The following MDGA2 variants were observed in gnomAD, a reference collection of about 807,000 sequenced individuals.
MDGA2 encodes the protein MAM domain containing glycosylphosphatidylinositol anchor 2.
Under a neutral mutation model 117.8 loss-of-function variants are expected in MDGA2, and 40 were observed. The observed-to-expected ratio is 0.34, with a 90% confidence interval of 0.26 to 0.44. The LOEUF (loss-of-function observed/expected upper bound fraction) is 0.44. Among genes scored for constraint, MDGA2 ranks in the 20% least tolerant of loss-of-function variants. The pLI is 1.00. For synonymous variants in MDGA2, 452 were observed against 439.0 expected (o/e 1.03, Z -0.37); for missense variants, 1,123 against 1,250.6 (o/e 0.90, Z 1.54).
At chr14:46,916,327 C>T (rs1226228750) in intron 10 of MDGA2, among the ~76,000 whole-genome samples, 2 of 152,002 alleles carry the variant, frequency 1.3e-5, no homozygotes, top group Admixed American at 1.3e-4. Context: ...GACCTGAGTT[C>T]GAGCCTTGGC....
intron 3 of MDGA2, among the ~76,000 whole-genome samples, chr14:47,161,431 A>G (rs1883628168): frequency 6.6e-6 from 1 of 152,032 alleles, no homozygotes; most frequent in Non-Finnish European, 1.5e-5. Flanking sequence ...TTTAACAATC[A>G]CCATTTTATT....
intron 10 of MDGA2, among the ~76,000 whole-genome samples, chr14:46,891,139 A>G (rs1034646235): frequency 3.3e-5 from 5 of 151,974 alleles, no homozygotes; most frequent in Non-Finnish European, 7.4e-5. Context: ...TATTAAAGGG[A>G]TATGTGAGAA....
intron 3 of MDGA2, among the ~76,000 whole-genome samples, chr14:47,150,960 C>T (rs1594671713): frequency 6.6e-6 from 1 of 151,310 alleles, no homozygotes; most frequent in East Asian, 1.9e-4. Context: ...TCAGTAGCTA[C>T]CTGCCAACAG....
chr14:47,059,326 A>AGG, intron 7 of MDGA2: 1 of 1,274,770 alleles, frequency 7.8e-7, no homozygotes, highest in African/African-American at 1.5e-5. Flanking sequence ...GGTACTTTCC[A>AGG]GGGGTAGTGT....
At chr14:47,541,477 A>C (rs1895351584) in intron 1 of MDGA2, among the ~76,000 whole-genome samples, 1 of 152,180 alleles carries the variant, frequency 6.6e-6, no homozygotes, top group Admixed American at 6.5e-5. Context: ...ACTGATGCTC[A>C]AACTCTTAAT....
At chr14:47,438,697 G>C (rs1296853236) in intron 1 of MDGA2, among the ~76,000 whole-genome samples, 4 of 152,124 alleles carry the variant, frequency 2.6e-5, no homozygotes, top group African/African-American at 9.7e-5. Flanking sequence ...AGAAGAACCA[G>C]ACCAATTGGT....
intron 10 of MDGA2, among the ~76,000 whole-genome samples, chr14:46,892,967 A>G (rs138738522): frequency 1.1e-4 from 17 of 152,060 alleles, no homozygotes; most frequent in African/African-American, 3.6e-4. Flanking sequence ...AAAGTTAAAC[A>G]TCGAACTACC....
chr14:47,301,303 AC>A, intron 2 of MDGA2, 107 bp downstream of exon 2: 2 of 813,506 alleles, frequency 2.5e-6, no homozygotes, highest in Admixed American at 2.7e-5. Flanking sequence ...ACCCACACAC[AC>A]ACACACACAC....
At chr14:47,511,400 CACAT>C (rs1319328803) in intron 1 of MDGA2, among the ~76,000 whole-genome samples, 2 of 152,060 alleles carry the variant, frequency 1.3e-5, no homozygotes, top group African/African-American at 2.4e-5. Flanking sequence ...AAACAGCTAA[CACAT>C]AAGAGGTTCT....
chr14:47,312,566 C>T (rs1005219178), intron 1 of MDGA2, among the ~76,000 whole-genome samples: 1 of 151,870 alleles, frequency 6.6e-6, no homozygotes, highest in African/African-American at 2.4e-5. Context: ...GCAGTGGCAC[C>T]ATCACAAATC....
rs68070912 is a variant in MDGA2, at chr14:47,308,502, G to GT, written c.281-6953dup. On this transcript the variant is annotated intron_variant, in intron 1 of 16. Transcript: ENST00000399232. ...TTCTTTTTTCCCTCTCTTTCTGTTA[G>GT]TTTTTTTTTTTTTTTTTTTTACAAA... 9.9e-4 allele frequency among the ~76,000 whole-genome samples: 112 copies of GT among 112,862 alleles called. 2 individuals carry two copies. The highest frequency in any genetic ancestry group is 1.3e-3 in the South Asian group (4 of 3,158). The allele number at this position is 112,862 out of a possible 152,430, so 74.0% of individuals were successfully genotyped here.
intron 1 of MDGA2, among the ~76,000 whole-genome samples, chr14:47,427,570 A>G (rs1892716256): frequency 6.6e-6 from 1 of 152,164 alleles, no homozygotes; most frequent in African/African-American, 2.4e-5. Context: ...TAGCCCTACT[A>G]TCTTTTTGCA....
chr14:47,194,511 G>T lies in MDGA2; in HGVS notation c.595+23510C>A, dbSNP rs550016138. ...TAGGGATTATCCCTTTGCATAAGAGGAATAGTAAATAATTCTCATTCCACT... is the reference window on the plus strand; with the variant it reads ...TAGGGATTATCCCTTTGCATAAGAGTAATAGTAAATAATTCTCATTCCACT... On this transcript the variant is annotated intron_variant, in intron 3 of 16. Transcript: ENST00000399232. 3.3e-5 allele frequency among the ~76,000 whole-genome samples: 5 copies of T among 152,076 alleles called. No homozygotes were observed. In the South Asian group the frequency reaches 6.2e-4, roughly 19 times the overall value.
chr14:47,666,171 C>G (rs1203956260), intron 1 of MDGA2, among the ~76,000 whole-genome samples: 1 of 151,254 alleles, frequency 6.6e-6, no homozygotes, highest in Non-Finnish European at 1.5e-5. Flanking sequence ...CCAATCGGCA[C>G]TCTGTATCTA....
chr14:47,113,253 A>G (rs951493758), intron 5 of MDGA2, among the ~76,000 whole-genome samples: 3 of 152,064 alleles, frequency 2.0e-5, no homozygotes, highest in African/African-American at 7.2e-5. Context: ...CACCCTCCCA[A>G]GTTGAATCCC....
intron 7 of MDGA2, among the ~76,000 whole-genome samples, chr14:47,042,327 T>TG (rs1421174885): frequency 2.1e-5 from 3 of 144,666 alleles, no homozygotes; most frequent in East Asian, 2.0e-4. Flanking sequence ...TTTTTTTTTT[T>TG]TGTGTGTGTG....
At chr14:47,279,242 A>G (rs887994617) in intron 2 of MDGA2, among the ~76,000 whole-genome samples, 4 of 152,168 alleles carry the variant, frequency 2.6e-5, no homozygotes. Flanking sequence ...CTGATAGAGT[A>G]TATTATCAAT....
intron 1 of MDGA2, among the ~76,000 whole-genome samples, chr14:47,655,105 T>C (rs1285180699): frequency 1.3e-5 from 2 of 152,088 alleles, no homozygotes; most frequent in South Asian, 2.1e-4. Context: ...TATTCACCAC[T>C]CTTGTTGATA....
At chr14:47,451,057 A>T (rs1822418906) in intron 1 of MDGA2, among the ~76,000 whole-genome samples, 1 of 152,122 alleles carries the variant, frequency 6.6e-6, no homozygotes, top group African/African-American at 2.4e-5. Context: ...AAGGTACCTC[A>T]GTGGATTCTT....
Sources: gnomAD v4.1 joint callset for allele counts (sites outside exome capture counted in the v4.1 genomes callset) on GRCh38, gnomAD v4.1.1 for gene constraint, MANE v1.5 for transcripts, NCBI Gene and HGNC (gene_info 2026-07-23, HGNC 2026-07-21) for gene names.